Variants in NCKAP5 observed in about 807,000 individuals in gnomAD.
NCKAP5 encodes the protein NCK associated protein 5.
Under a neutral mutation model 167.0 loss-of-function variants are expected in NCKAP5, and 92 were observed. The ratio of observed to expected loss-of-function variants is 0.55; its 90% CI spans 0.47 to 0.66. The LOEUF (loss-of-function observed/expected upper bound fraction) is 0.66, where lower values mean the gene tolerates loss of function less well. NCKAP5 is among the 30% of genes least tolerant of loss of function. The pLI is 0.00. For missense variants in NCKAP5, 2,378 were observed against 2,315.0 expected (o/e 1.03, Z -0.56); for synonymous variants, 891 against 877.4 (o/e 1.02, Z -0.27).
At chr2:132,743,927 G>A (rs926223231) in intron 16 of NCKAP5, among the ~76,000 whole-genome samples, 5 of 151,356 alleles carry the variant, frequency 3.3e-5, no homozygotes, top group African/African-American at 1.2e-4. Context: ...ACTTTAGAAA[G>A]GAAATATTAC....
At chr2:133,138,420 C>G (rs1328521741) in intron 5 of NCKAP5, among the ~76,000 whole-genome samples, 1 of 151,982 alleles carries the variant, frequency 6.6e-6, no homozygotes, top group East Asian at 1.9e-4. Flanking sequence ...ACTGTATTTA[C>G]AACAAAAAGT....
Position 132,783,873 on chromosome 2 carries a change from G to A in NCKAP5, c.2938C>T (p.Pro980Ser), listed in dbSNP as rs192960876. ...GTGGCCGGATTAGAAGAAATAACTGGAGCAGAAATTCCTTTCAGCAGCGGG... is the reference window on the plus strand; with the variant it reads ...GTGGCCGGATTAGAAGAAATAACTGAAGCAGAAATTCCTTTCAGCAGCGGG... ...KSPLLKGISA[P>S]VISSNPATTE... is the part of the protein sequence containing the mutation. The change falls in exon 14 of 20, where the codon CCA (proline) becomes TCA (serine). Residue 980 changes from proline to serine, a missense_variant. By Grantham distance (74) the Pro-to-Ser change is moderately conservative (BLOSUM62 -1). Around this residue, in one of 3 missense-constraint regions of NCKAP5, gnomAD observed 1,325 missense variants for 1,274.5 expected, o/e 1.04. Coordinates refer to ENST00000409261, the MANE Select transcript of NCKAP5 (RefSeq NM_207363.3). 3.8e-4 allele frequency: 584 copies of A among 1,533,190 alleles called. No homozygotes were observed. Among genetic ancestry groups the A allele is most frequent in the Non-Finnish European group, 4.8e-4 (549 of 1,142,848 alleles). 95.0% of individuals were successfully genotyped at this position (1,533,190 alleles called of 1,614,324 possible).
intron 19 of NCKAP5, among the ~76,000 whole-genome samples, chr2:132,720,432 G>T (rs976623492): frequency 6.6e-6 from 1 of 152,198 alleles, no homozygotes; most frequent in East Asian, 1.9e-4. Flanking sequence ...GAACCCAGAG[G>T]CAGGGTTTTA....
At chr2:133,443,696 G>C (rs1417382197) in intron 3 of NCKAP5, among the ~76,000 whole-genome samples, 1 of 152,140 alleles carries the variant, frequency 6.6e-6, no homozygotes, top group African/African-American at 2.4e-5. Flanking sequence ...GCTCACCCCT[G>C]AGTCTCCTCC....
At chr2:132,898,177 ACT>A (rs1377080756) in intron 8 of NCKAP5, among the ~76,000 whole-genome samples, 1 of 152,116 alleles carries the variant, frequency 6.6e-6, no homozygotes. Flanking sequence ...GTGTTCACAG[ACT>A]CTTCACCAGG....
chr2:133,613,408 T>G, the NCKAP5 span, among the ~76,000 whole-genome samples: 1 of 152,230 alleles, frequency 6.6e-6, no homozygotes, highest in South Asian at 2.1e-4. Flanking sequence ...AGTTTACTTT[T>G]AGGCCAAAAC....
At chr2:133,639,157 T>C in the NCKAP5 span, among the ~76,000 whole-genome samples, 1 of 152,134 alleles carries the variant, frequency 6.6e-6, no homozygotes, top group Non-Finnish European at 1.5e-5. Context: ...AATTAATAAA[T>C]TCAGAGAATA....
intron 2 of NCKAP5, among the ~76,000 whole-genome samples, chr2:133,523,440 C>G (rs2104783724): frequency 6.6e-6 from 1 of 152,182 alleles, no homozygotes; most frequent in African/African-American, 2.4e-5. Context: ...AATGGTATTG[C>G]CAGAAGAAAT....
At chr2:132,732,485 A>T (rs1429176050) in intron 16 of NCKAP5, among the ~76,000 whole-genome samples, 1 of 152,176 alleles carries the variant, frequency 6.6e-6, no homozygotes, top group Non-Finnish European at 1.5e-5. Flanking sequence ...GTGGTGTAGT[A>T]AATTTCCAGT....
chr2:133,281,459 C>T (rs542925676), intron 4 of NCKAP5, among the ~76,000 whole-genome samples: 1 of 151,940 alleles, frequency 6.6e-6, no homozygotes, highest in Non-Finnish European at 1.5e-5. Flanking sequence ...GTAATTAAAC[C>T]GTTAAAAATA....
rs563815645 is a variant in NCKAP5, at chr2:133,201,834, G to A, written c.207+11882C>T. Among the ~76,000 whole-genome samples the A allele has an allele frequency of 1.2e-4, 18 of 152,036 alleles. No homozygotes were observed. The East Asian group carries it at 2.5e-3, about 21-fold the overall frequency. ...CACAAGAGGAACTAGGAGATTCTGCGCTTAAGAAAGTTGAAGGAGAACTAC... is the reference window on the plus strand; with the variant it reads ...CACAAGAGGAACTAGGAGATTCTGCACTTAAGAAAGTTGAAGGAGAACTAC... On this transcript the variant is annotated intron_variant, in intron 5 of 19. Transcript: ENST00000409261.
Position 133,451,376 on chromosome 2 carries a change from T to G in NCKAP5, c.69+66082A>C, listed in dbSNP as rs531819006. 2.0e-3 allele frequency among the ~76,000 whole-genome samples: 302 copies of G among 152,312 alleles called. 1 individual carries two copies. The highest frequency in any genetic ancestry group is 7.0e-3 in the African/African-American group (289 of 41,578). On this transcript the variant is annotated intron_variant, in intron 3 of 19. Coordinates refer to ENST00000409261, the MANE Select transcript of NCKAP5 (RefSeq NM_207363.3). ...CAGGTGGGTCAGGACCAGTTCATGT[T>G]CACATATCAGAAAGCATATGCCCCA... is the stretch of plus-strand genomic sequence containing the variant.
At chr2:133,230,837 T>C (rs1328556449) in intron 4 of NCKAP5, among the ~76,000 whole-genome samples, 1 of 152,334 alleles carries the variant, frequency 6.6e-6, no homozygotes, top group South Asian at 2.1e-4. Flanking sequence ...TATCTCTTTG[T>C]TTTTACAGGT....
chr2:133,427,648 C>G (rs867980175), intron 3 of NCKAP5, among the ~76,000 whole-genome samples: 2 of 152,004 alleles, frequency 1.3e-5, no homozygotes, highest in Non-Finnish European at 2.9e-5. Context: ...AGAATGTTAG[C>G]AAATTGTATT....
intron 3 of NCKAP5, among the ~76,000 whole-genome samples, chr2:133,502,113 T>C (rs6749346): frequency 0.26 from 40,155 of 152,146 alleles, 6,005 homozygotes; most frequent in East Asian, 0.51. Flanking sequence ...CAGAAGAAAG[T>C]CTTGGGTTTC....
At chr2:133,406,513 TG>T (rs1364881055) in intron 3 of NCKAP5, among the ~76,000 whole-genome samples, 2 of 141,540 alleles carry the variant, frequency 1.4e-5, no homozygotes, top group Non-Finnish European at 3.0e-5. Flanking sequence ...TGCCCAAGGC[TG>T]GACCTGCCTC....
chr2:132,799,182 A>G (rs1684838134), intron 11 of NCKAP5, among the ~76,000 whole-genome samples: 1 of 152,064 alleles, frequency 6.6e-6, no homozygotes, highest in Admixed American at 6.6e-5. Flanking sequence ...TCTCACTTAT[A>G]AGTGGAAGCT....
At chr2:132,963,596 T>C (rs76742066) in intron 8 of NCKAP5, 124 bp downstream of exon 8, 154,186 of 990,546 alleles carry the variant, frequency 0.16, 16,196 homozygotes, top group East Asian at 0.49. Flanking sequence ...CAGGAAATCG[T>C]AGATCATATT....
chr2:132,771,678 GT>G (rs34744009), intron 16 of NCKAP5, among the ~76,000 whole-genome samples: 53 of 142,784 alleles, frequency 3.7e-4, no homozygotes, highest in East Asian at 6.2e-4. Flanking sequence ...GATGCTAATT[GT>G]TTTTTTTTTT....
Sources: allele counts gnomAD v4.1 joint callset (sites outside exome capture counted in the v4.1 genomes callset), GRCh38; gene constraint gnomAD v4.1.1; regional missense constraint gnomAD v4.1.1; transcripts MANE v1.5; gene names NCBI Gene and HGNC (gene_info 2026-07-23, HGNC 2026-07-21).